IMPG1: variants seen among roughly 807,000 people sequenced by gnomAD.
The protein encoded by IMPG1 is interphotoreceptor matrix proteoglycan of 150 kDa.
Under a neutral mutation model 92.0 loss-of-function variants are expected in IMPG1, and 85 were observed. The ratio of observed to expected loss-of-function variants is 0.92; its 90% confidence interval spans 0.78 to 1.11. The LOEUF is 1.11. IMPG1 is among the 50% of genes least tolerant of loss of function. The pLI is 0.00. For synonymous variants in IMPG1, 367 were observed against 334.1 expected (o/e 1.10, Z -1.08); for missense variants, 1,022 against 956.0 (o/e 1.07, Z -0.91).
chr6:76,021,994 A>G, intron 6 of IMPG1, 122 bp downstream of exon 6: 1 of 536,674 alleles, frequency 1.9e-6, no homozygotes, highest in Non-Finnish European at 3.6e-6. Context: ...ACTCTTAACC[A>G]GAGTCACAAA....
intron 1 of IMPG1, among the ~76,000 whole-genome samples, chr6:76,061,892 G>A (rs1437055441): frequency 1.3e-5 from 2 of 152,124 alleles, no homozygotes; most frequent in African/African-American, 4.8e-5. Context: ...CTCTTCAACT[G>A]TCTTTTTTTG....
intron 10 of IMPG1, among the ~76,000 whole-genome samples, chr6:76,004,591 C>G (rs1489876595): frequency 1.3e-5 from 2 of 152,288 alleles, no homozygotes; most frequent in Non-Finnish European, 2.9e-5. Flanking sequence ...CAGTGTCCAT[C>G]TACTTTGCCA....
At chr6:75,949,726 A>G (rs1222377267) in intron 13 of IMPG1, among the ~76,000 whole-genome samples, 1 of 152,086 alleles carries the variant, frequency 6.6e-6, no homozygotes, top group Non-Finnish European at 1.5e-5. Context: ...TACTCACCTC[A>G]TTATAAATGG....
At chr6:75,986,741 T>C (rs1179774071) in intron 12 of IMPG1, among the ~76,000 whole-genome samples, 1 of 149,794 alleles carries the variant, frequency 6.7e-6, no homozygotes, top group Admixed American at 6.6e-5. Context: ...ATGTTAACAA[T>C]GAGGAAAAAA....
chr6:76,022,731 T>C (rs924997775), intron 5 of IMPG1, among the ~76,000 whole-genome samples: 1 of 152,154 alleles, frequency 6.6e-6, no homozygotes, highest in African/African-American at 2.4e-5. Context: ...ATGTGGCAAA[T>C]GTTTTGATAT....
chr6:75,963,665 G>C (rs2149462676), intron 12 of IMPG1, among the ~76,000 whole-genome samples: 1 of 152,282 alleles, frequency 6.6e-6, no homozygotes, highest in African/African-American at 2.4e-5. Context: ...AAGAACAACA[G>C]CTAAATCTCA....
intron 2 of IMPG1, among the ~76,000 whole-genome samples, chr6:76,036,629 A>G (rs1286842743): frequency 6.6e-6 from 1 of 152,236 alleles, no homozygotes; most frequent in Non-Finnish European, 1.5e-5. Flanking sequence ...TCAATAACAA[A>G]TTTTCAAGGA....
At chr6:76,009,310 T>C (rs1056979593) in intron 8 of IMPG1, among the ~76,000 whole-genome samples, 6 of 152,178 alleles carry the variant, frequency 3.9e-5, no homozygotes, top group Non-Finnish European at 7.3e-5. Flanking sequence ...ATGATACATG[T>C]CCTAACTACT....
At chr6:76,037,622 C>T (rs1783763944) in intron 2 of IMPG1, among the ~76,000 whole-genome samples, 1 of 152,208 alleles carries the variant, frequency 6.6e-6, no homozygotes, top group Non-Finnish European at 1.5e-5. Flanking sequence ...TGTCCAGACC[C>T]TAACAGTTGT....
intron 1 of IMPG1, among the ~76,000 whole-genome samples, chr6:76,056,565 A>G (rs1423118466): frequency 2.0e-5 from 3 of 152,176 alleles, no homozygotes; most frequent in African/African-American, 7.2e-5. Flanking sequence ...GAATTACTGG[A>G]TAGTATGGTA....
intron 12 of IMPG1, among the ~76,000 whole-genome samples, chr6:75,955,368 T>C (rs1782099643): frequency 6.6e-6 from 1 of 152,224 alleles, no homozygotes; most frequent in Non-Finnish European, 1.5e-5. Context: ...TTATTCTCTT[T>C]GTAGCAGTTG....
At chr6:75,974,330 C>CCTTTCTTT (rs558072098) in intron 12 of IMPG1, among the ~76,000 whole-genome samples, 3,911 of 98,198 alleles carry the variant, frequency 0.04, 137 homozygotes, top group Middle Eastern at 0.053. Flanking sequence ...TCTTTCTTTC[C>CCTTTCTTT]CTTTCTTTCT....
intron 1 of IMPG1, among the ~76,000 whole-genome samples, chr6:76,050,867 G>A (rs181451491): frequency 3.8e-4 from 58 of 152,210 alleles, no homozygotes; most frequent in Non-Finnish European, 1.5e-5. Flanking sequence ...TAGACATCAG[G>A]GATAAGAGAA....
intron 12 of IMPG1, among the ~76,000 whole-genome samples, chr6:75,971,282 C>A (rs955307723): frequency 2.9e-5 from 4 of 139,276 alleles, no homozygotes; most frequent in African/African-American, 1.1e-4. Flanking sequence ...AATACATGGA[C>A]ACAGGAAGGG....
chr6:76,037,323 C>A (rs1476615459), intron 2 of IMPG1, among the ~76,000 whole-genome samples: 1 of 152,176 alleles, frequency 6.6e-6, no homozygotes, highest in Admixed American at 6.5e-5. Flanking sequence ...GGTAATTGAT[C>A]TTTTAATGAG....
At chr6:76,008,458 A>G (rs1415433872) in intron 8 of IMPG1, among the ~76,000 whole-genome samples, 3 of 152,130 alleles carry the variant, frequency 2.0e-5, no homozygotes, top group Non-Finnish European at 4.4e-5. Flanking sequence ...GACTATATTA[A>G]CTAATGTAAC....
intron 14 of IMPG1, among the ~76,000 whole-genome samples, chr6:75,941,760 C>G (rs1328869333): frequency 6.6e-6 from 1 of 152,170 alleles, no homozygotes; most frequent in African/African-American, 2.4e-5. Flanking sequence ...CTCTCTTGTC[C>G]TCTGGCTACC....
chr6:76,005,608 C>T lies in IMPG1; in HGVS notation c.888-74G>A, dbSNP rs186967746. On this transcript the variant is annotated intron_variant, in intron 9 of 16. Transcript: ENST00000369950. ...CCTTGCAAAGAGAATCACTAGATTG[C>T]TACAAAGCTTCAGGATAGCTTCCAC... The T allele has an allele frequency of 1.1e-4, 170 of 1,512,194 alleles. No homozygotes were observed. The African/African-American group carries it at 2.0e-3, about 18-fold the overall frequency. 93.7% of individuals were successfully genotyped at this position (1,512,194 alleles called of 1,614,324 possible).
intron 1 of IMPG1, among the ~76,000 whole-genome samples, chr6:76,046,149 A>G (rs1012615516): frequency 6.6e-6 from 1 of 152,162 alleles, no homozygotes; most frequent in Non-Finnish European, 1.5e-5. Flanking sequence ...TAACTTCCAT[A>G]TATCAGTCCT....
Sources: gnomAD v4.1 joint callset for allele counts (sites outside exome capture counted in the v4.1 genomes callset) on GRCh38, gnomAD v4.1.1 for gene constraint, MANE v1.5 for transcripts, NCBI Gene and HGNC (gene_info 2026-07-23, HGNC 2026-07-21) for gene names.